Variants in SLC22A23 observed in about 807,000 individuals in gnomAD.
SLC22A23 encodes solute carrier family 22 member 23, also known as ion transporter protein.
Under a neutral mutation model 61.0 loss-of-function variants are expected in SLC22A23, and 26 were observed. The ratio of observed to expected loss-of-function variants is 0.43; its 90% CI spans 0.31 to 0.59. The LOEUF is 0.59. Among genes scored for constraint, SLC22A23 ranks in the 20% least tolerant of loss-of-function variants. The pLI is 0.11. For synonymous variants in SLC22A23, 430 were observed against 413.9 expected, an observed-to-expected ratio of 1.04 and a Z score of -0.47; for missense variants, 796 against 934.7, an observed-to-expected ratio of 0.85 and a Z score of 1.94.
Position 3,359,313 on chromosome 6 carries a change from C to T in SLC22A23, c.914-35311G>A, listed in dbSNP as rs915695553. ...TAAGCTATGCTAGCTGGTGTTGCCA[C>T]GTTTATTCTTCATCACTGAGTGGTT... On this transcript the variant is annotated intron_variant, in intron 3 of 9. Coordinates refer to ENST00000406686, the MANE Select transcript of SLC22A23 (RefSeq NM_015482.2). Among the ~76,000 whole-genome samples the T allele has an allele frequency of 7.9e-5, 12 of 152,328 alleles. No individual in the cohort carries two copies. The East Asian group carries it at 1.5e-3, about 20-fold the overall frequency.
chr6:3,365,636 T>G (rs1302718351), intron 3 of SLC22A23, among the ~76,000 whole-genome samples: 1 of 152,184 alleles, frequency 6.6e-6, no homozygotes, highest in Admixed American at 6.5e-5. Flanking sequence ...AAATTAGACC[T>G]ATAACTCTGG....
At chr6:3,402,058 T>G (rs559738286) in intron 3 of SLC22A23, among the ~76,000 whole-genome samples, 10 of 152,272 alleles carry the variant, frequency 6.6e-5, no homozygotes, top group African/African-American at 2.4e-4. Flanking sequence ...AAATCCCCTC[T>G]CCAGGTATCC....
At position 3,322,454 on chromosome 6, in the gene SLC22A23, G is replaced by A. The variant is rs1402570401; in HGVS notation, c.1082+1380C>T. Among the ~76,000 whole-genome samples, 1 of 152,228 alleles carries A rather than the reference G, an allele frequency of 6.6e-6. No individual in the cohort carries two copies. The highest frequency in any genetic ancestry group is 1.9e-4 in the East Asian group (1 of 5,200). The stretch of plus-strand genomic sequence containing the variant: ...CCTTAAGGCCCTGTTGGGGCACAAG[G>A]GCTGTCCTGGAACACGGTTGTGCTG... On this transcript the variant is annotated intron_variant, in intron 4 of 9. Coordinates refer to ENST00000406686, the MANE Select transcript of SLC22A23 (RefSeq NM_015482.2). The surrounding 1 kb of genome is among the most constrained non-coding windows in gnomAD (Gnocchi z 4.1).
chr6:3,305,298 C>T (rs1761897567), intron 4 of SLC22A23, among the ~76,000 whole-genome samples: 1 of 152,236 alleles, frequency 6.6e-6, no homozygotes, highest in Non-Finnish European at 1.5e-5. Context: ...AGCCCACACC[C>T]TTAACCTCTG....
intron 3 of SLC22A23, among the ~76,000 whole-genome samples, chr6:3,331,369 C>T (rs9503543): frequency 0.25 from 37,354 of 152,006 alleles, 5,928 homozygotes; most frequent in African/African-American, 0.44. Flanking sequence ...AGATACTTGT[C>T]GCATGAATAA....
intron 3 of SLC22A23, among the ~76,000 whole-genome samples, chr6:3,389,836 C>T (rs1340009296): frequency 6.6e-6 from 1 of 152,238 alleles, no homozygotes; most frequent in African/African-American, 2.4e-5. Flanking sequence ...CTGCCAGCTG[C>T]TTGGAATCCA....
rs149487490 is a variant in SLC22A23, at chr6:3,307,760, G to A, written c.1083-9542C>T. On this transcript the variant is annotated intron_variant, in intron 4 of 9. Transcript: ENST00000406686. ...AGTTACAGTGGAGGATTCCAGGGTC[G>A]GGTTTGGCTATGGAATTAATTAAGC... Among the ~76,000 whole-genome samples, 219 of 152,342 alleles carry A rather than the reference G, an allele frequency of 1.4e-3. 2 individuals carry two copies. Among genetic ancestry groups the A allele is most frequent in the African/African-American group, 5.0e-3 (206 of 41,580 alleles).
At chr6:3,276,109 TTG>T (rs112452724) in intron 9 of SLC22A23, among the ~76,000 whole-genome samples, 9 of 150,612 alleles carry the variant, frequency 6.0e-5, no homozygotes, top group Admixed American at 1.3e-4. Context: ...AGAATGGTGA[TTG>T]TGTGTGTGTG....
rs61450462 is a variant in SLC22A23, at chr6:3,304,477, T to TATGG, written c.1083-6263_1083-6260dup. 0.047 allele frequency among the ~76,000 whole-genome samples: 7,101 copies of TATGG among 152,120 alleles called. 272 individuals are homozygous for TATGG. The highest frequency in any genetic ancestry group is 0.1 in the African/African-American group (4,251 of 41,502). ...GTGACCTTAGGATTTAAGAAGTGGGTATGGGCCTCTTTGGGAGCCCAAGCT... is the reference window on the plus strand; with the variant it reads ...GTGACCTTAGGATTTAAGAAGTGGGTATGGATGGGCCTCTTTGGGAGCCCAAGCT... On this transcript the variant is annotated intron_variant, in intron 4 of 9. Transcript: ENST00000406686. This position sits in a 1 kb window ranked among gnomAD's most constrained non-coding sequence, Gnocchi z 4.3.
chr6:3,375,657 A>G (rs769520428), intron 3 of SLC22A23, among the ~76,000 whole-genome samples: 2 of 152,352 alleles, frequency 1.3e-5, no homozygotes, highest in African/African-American at 4.8e-5. Flanking sequence ...TCTAATGTGT[A>G]TATCTGTGTT....
chr6:3,395,274 C>T (rs1336074298), intron 3 of SLC22A23, among the ~76,000 whole-genome samples: 2 of 152,306 alleles, frequency 1.3e-5, no homozygotes, highest in South Asian at 2.1e-4. Context: ...CCAAAGGCCA[C>T]ATGTCACCAT....
chr6:3,392,441 A>T (rs891719180), intron 3 of SLC22A23, among the ~76,000 whole-genome samples: 1 of 152,254 alleles, frequency 6.6e-6, no homozygotes, highest in Non-Finnish European at 1.5e-5. Flanking sequence ...AGATCGATGC[A>T]GGAGAGTAGA....
chr6:3,399,554 C>T (rs1404913733), intron 3 of SLC22A23, among the ~76,000 whole-genome samples: 1 of 152,148 alleles, frequency 6.6e-6, no homozygotes, highest in Non-Finnish European at 1.5e-5. Context: ...AGGGCCAAGC[C>T]TATAGCTGTG....
chr6:3,284,011 G>C (rs544130174), intron 8 of SLC22A23, 36 bp from the exon 9 acceptor site: 3 of 1,578,742 alleles, frequency 1.9e-6, no homozygotes, highest in Non-Finnish European at 2.6e-6. Flanking sequence ...TGAGGGAAGA[G>C]AGGAAGCCAG....
At chr6:3,319,461 TCA>T (rs938517661) in intron 4 of SLC22A23, among the ~76,000 whole-genome samples, 47 of 152,152 alleles carry the variant, frequency 3.1e-4, no homozygotes, top group African/African-American at 1.1e-3. Context: ...AGCATGTTCC[TCA>T]TGTGTGTGTG....
chr6:3,454,200 A>G lies in SLC22A23; in HGVS notation c.654+1706T>C, dbSNP rs1453821419. ...TCACCCAAAACATGCCACACACATG[A>G]GGGCTGTCTGTGACCCTCTCGAATG... is the stretch of plus-strand genomic sequence containing the variant. On this transcript the variant is annotated intron_variant, in intron 1 of 9. Transcript: ENST00000406686. The surrounding 1 kb of genome is among the most constrained non-coding windows in gnomAD (Gnocchi z 4.3). 6.6e-6 allele frequency among the ~76,000 whole-genome samples: 1 copy of G among 152,188 alleles called. No homozygotes were observed. The highest frequency in any genetic ancestry group is 1.5e-5 in the Non-Finnish European group (1 of 68,046).
At chr6:3,412,176 T>C (rs1769308046) in intron 2 of SLC22A23, among the ~76,000 whole-genome samples, 1 of 152,220 alleles carries the variant, frequency 6.6e-6, no homozygotes, top group African/African-American at 2.4e-5. Context: ...AAACATGGTT[T>C]GCTCTGTTCT....
At chr6:3,438,708 G>A (rs1301821201) in intron 1 of SLC22A23, among the ~76,000 whole-genome samples, 1 of 152,224 alleles carries the variant, frequency 6.6e-6, no homozygotes, top group African/African-American at 2.4e-5. Flanking sequence ...CCTACTTCAA[G>A]GAGTGACTTG....
chr6:3,282,185 C>T, intron 9 of SLC22A23: 5 of 702,470 alleles, frequency 7.1e-6, no homozygotes, highest in African/African-American at 3.5e-5. Flanking sequence ...AAAGACTTGG[C>T]TTTGCTGTTT....
Sources: gnomAD v4.1 joint callset for allele counts (sites outside exome capture counted in the v4.1 genomes callset) on GRCh38, gnomAD v4.1.1 for gene constraint, Gnocchi (gnomAD v3.1) non-coding constraint, MANE v1.5 for transcripts, NCBI Gene and HGNC (gene_info 2026-07-23, HGNC 2026-07-21) for gene names.